The following GPR89A variants were observed in gnomAD, a reference collection of about 807,000 sequenced individuals.
The protein encoded by GPR89A is golgi pH regulator A.
A neutral mutation model predicts 52.0 loss-of-function variants in GPR89A; 16 were observed. That is an observed-to-expected ratio of 0.31 (90% CI 0.21 to 0.47). GPR89A has a LOEUF of 0.47. GPR89A is among the 20% of genes least tolerant of loss of function. The pLI, the probability that GPR89A is intolerant of heterozygous loss-of-function variation, is 1.00. For missense variants in GPR89A, 135 were observed against 449.4 expected (o/e 0.30, Z 6.33); for synonymous variants, 55 against 150.9 (o/e 0.36, Z 4.66).
chr1:145,645,978 G>T (rs587646262), intron 8 of GPR89A: 2 of 640,918 alleles, frequency 3.1e-6, no homozygotes, highest in Admixed American at 5.8e-5. Context: ...GTTTGGTGGC[G>T]ATGCTCTTGA....
Position 145,668,255 on chromosome 1 carries a change from G to C in GPR89A, c.1096-1370G>C, listed in dbSNP as rs1652713698. 4.6e-5 allele frequency among the ~76,000 whole-genome samples: 7 copies of C among 152,104 alleles called. No individual in the cohort carries two copies. In the South Asian group the frequency reaches 1.4e-3, roughly 32 times the overall value. ...TTCCTCTTTTATTTTGTTGAGCAGT[G>C]GTTTGTAGTTCTCCTTGAAGAGGTC... is the stretch of plus-strand genomic sequence containing the variant. On this transcript the variant is annotated intron_variant, in intron 12 of 13. Coordinates refer to ENST00000313835, the MANE Select transcript of GPR89A (RefSeq NM_001097612.2).
chr1:145,645,598 C>G (rs1650928183), intron 8 of GPR89A: 1 of 453,754 alleles, frequency 2.2e-6, no homozygotes, highest in Admixed American at 2.4e-5. Context: ...GACTTTGCAT[C>G]TCTATCAATT....
At chr1:145,632,812 A>G (rs147625101) in intron 7 of GPR89A, among the ~76,000 whole-genome samples, 5,299 of 151,342 alleles carry the variant, frequency 0.035, 311 homozygotes, top group African/African-American at 0.12. Context: ...CAGTTTTTTT[A>G]GGAACCTCCA....
rs587741508 is a variant in GPR89A, at chr1:145,655,856, G to A, written c.910-7473G>A. Reference sequence around the variant, plus strand: ...GAAGGGAATCCCCCTCCTCTGGACTGCCCAGACCCTTCAGAGCCAGCAGGC... The same window carrying A: ...GAAGGGAATCCCCCTCCTCTGGACTACCCAGACCCTTCAGAGCCAGCAGGC... On this transcript the variant is annotated intron_variant, in intron 10 of 13. Transcript: ENST00000313835. Among the ~76,000 whole-genome samples, 15 of 152,080 alleles carry A rather than the reference G, an allele frequency of 9.9e-5. No homozygotes were observed. In the South Asian group the frequency reaches 3.1e-3, roughly 32 times the overall value.
Position 145,663,390 on chromosome 1 carries a change from A to G in GPR89A, c.971A>G (p.Glu324Gly). 5 of 1,610,780 alleles carry G rather than the reference A, an allele frequency of 3.1e-6. No individual in the cohort carries two copies. The highest frequency in any genetic ancestry group is 3.4e-6 in the Non-Finnish European group (4 of 1,179,152). ...ACGGATCCTGTCACAAGAGGCATTG[A>G]GATCACTGTGAATTATCTGGGAATC... ...GKTDPVTRGI[E>G]ITVNYLGIQF... Residue 324 changes from glutamate to glycine, a missense_variant, in exon 11 of 14, where the codon GAG becomes GGG. By Grantham distance (98) the Glu-to-Gly change is moderately conservative. Around this residue, in one of 10 missense-constraint regions of GPR89A, gnomAD observed 28 missense variants for 61.6 expected, o/e 0.45. Transcript: ENST00000313835.
At chr1:145,615,975 A>T (rs1172691226) in intron 1 of GPR89A, among the ~76,000 whole-genome samples, 1 of 151,442 alleles carries the variant, frequency 6.6e-6, no homozygotes, top group Non-Finnish European at 1.5e-5. Flanking sequence ...TTATCATAAG[A>T]TTATGGCAAA....
intron 7 of GPR89A, among the ~76,000 whole-genome samples, chr1:145,632,210 A>C (rs1231030627): frequency 6.6e-6 from 1 of 150,756 alleles, no homozygotes; most frequent in African/African-American, 2.5e-5. Flanking sequence ...AAGCTAATTA[A>C]CATATCTATC....
chr1:145,639,327 A>G (rs1318148642), intron 7 of GPR89A, among the ~76,000 whole-genome samples: 8 of 152,158 alleles, frequency 5.3e-5, no homozygotes, highest in South Asian at 4.2e-4. Context: ...AGTTAATACA[A>G]TTTTTAAAAA....
rs1264517850 is a variant in GPR89A at position 145,648,386 on chromosome 1, C to G, written c.909+1119C>G. On this transcript the variant is annotated intron_variant, in intron 10 of 13. Transcript: ENST00000313835. ...TAATACTCAGATGACATTTTAAAATCTGGATTCATTCAGTGGGAGATAATG... is the reference window on the plus strand; with the variant it reads ...TAATACTCAGATGACATTTTAAAATGTGGATTCATTCAGTGGGAGATAATG... Among the ~76,000 whole-genome samples, 6 of 151,184 alleles carry G rather than the reference C, an allele frequency of 4.0e-5. No homozygotes were observed. The East Asian group carries it at 1.2e-3, about 29-fold the overall frequency.
chr1:145,657,020 C>T (rs1651851462), intron 10 of GPR89A, among the ~76,000 whole-genome samples: 1 of 151,900 alleles, frequency 6.6e-6, no homozygotes, highest in African/African-American at 2.4e-5. Context: ...ATCTTGCATT[C>T]CTAGAATAAA....
intron 1 of GPR89A, among the ~76,000 whole-genome samples, chr1:145,609,826 G>T (rs1553685794): frequency 6.6e-6 from 1 of 152,154 alleles, no homozygotes; most frequent in East Asian, 1.9e-4. Context: ...AAGACCCAAA[G>T]ATTCCTTTGC....
intron 10 of GPR89A, among the ~76,000 whole-genome samples, chr1:145,647,877 CTCTATATATATATA>C (rs1651153213): frequency 6.4e-4 from 26 of 40,786 alleles, no homozygotes; most frequent in South Asian, 1.0e-3. Context: ...CTCTCTCTCT[CTCTATATATATATA>C]TATATATATA....
At chr1:145,659,448 G>C (rs1268593221) in intron 10 of GPR89A, among the ~76,000 whole-genome samples, 1 of 151,996 alleles carries the variant, frequency 6.6e-6, no homozygotes. Context: ...GCCTCCCAAA[G>C]TGCTAGGATT....
At chr1:145,610,546 C>A (rs1179013158) in intron 1 of GPR89A, among the ~76,000 whole-genome samples, 2 of 152,136 alleles carry the variant, frequency 1.3e-5, no homozygotes, top group African/African-American at 4.8e-5. Flanking sequence ...TCAAGTTGAA[C>A]ATCCAAGAAG....
intron 8 of GPR89A, 157 bp from the exon 9 acceptor site, chr1:145,646,027 A>C (rs1454519662): frequency 3.0e-5 from 32 of 1,075,996 alleles, no homozygotes; most frequent in Non-Finnish European, 4.3e-5. Context: ...AGGTTGGGAA[A>C]GCTGCTCTGA....
intron 3 of GPR89A, among the ~76,000 whole-genome samples, chr1:145,619,907 T>TG (rs1352177654): frequency 6.6e-6 from 1 of 151,648 alleles, no homozygotes; most frequent in African/African-American, 2.4e-5. Context: ...CCCAGCTACT[T>TG]GGGGGGCTGA....
Position 145,647,367 on chromosome 1 carries a change from A to G in GPR89A, c.909+100A>G, listed in dbSNP as rs1485882007. 17 of 1,542,572 alleles carry G rather than the reference A, an allele frequency of 1.1e-5. No homozygotes were observed. In the African/African-American group the frequency reaches 1.6e-4, roughly 15 times the overall value. Reference sequence around the variant, plus strand: ...GACTGATATATTGAACTAAATTCCAAATGTGATTGCATCAACAGAGAGCAT... The same window carrying G: ...GACTGATATATTGAACTAAATTCCAGATGTGATTGCATCAACAGAGAGCAT... On this transcript the variant is annotated intron_variant, in intron 10 of 13. Transcript: ENST00000313835.
At chr1:145,608,776 C>T (rs1648026670) in intron 1 of GPR89A, 1 of 162,014 alleles carries the variant, frequency 6.2e-6, no homozygotes, top group Non-Finnish European at 1.4e-5. Context: ...TTTTTCTGAC[C>T]CTCATTTCTT....
chr1:145,646,466 G>C (rs1337974598), intron 9 of GPR89A, 194 bp downstream of exon 9: 3 of 524,936 alleles, frequency 5.7e-6, no homozygotes, highest in Non-Finnish European at 1.0e-5. Context: ...ATCCTTAATG[G>C]AACACTCTCA....
Sources: allele counts gnomAD v4.1 joint callset (sites outside exome capture counted in the v4.1 genomes callset), GRCh38; gene constraint gnomAD v4.1.1; regional missense constraint gnomAD v4.1.1; transcripts MANE v1.5; gene names NCBI Gene and HGNC (gene_info 2026-07-23, HGNC 2026-07-21).